The following NDUFA13 variants were observed in gnomAD, a reference collection of about 807,000 sequenced individuals.
The protein encoded by NDUFA13 is NADH:ubiquinone oxidoreductase subunit A13, also known as NADH dehydrogenase [ubiquinone] 1 alpha subcomplex subunit 13.
A neutral mutation model predicts 17.0 loss-of-function variants in NDUFA13; 16 were observed. The ratio of observed to expected loss-of-function variants is 0.94; its 90% confidence interval spans 0.64 to 1.43. The LOEUF is 1.43. Ranked by LOEUF, NDUFA13 falls within the 40% of genes most tolerant of loss-of-function variation. NDUFA13 has a pLI of 0.00. For missense variants in NDUFA13, 228 were observed against 206.7 expected (o/e 1.10, Z -0.63); for synonymous variants, 87 against 78.4 (o/e 1.11, Z -0.58).
chr19:19,527,256 G>A, intron 2 of NDUFA13, 25 bp from the exon 3 acceptor site: 1 of 1,613,748 alleles, frequency 6.2e-7, no homozygotes, highest in Non-Finnish European at 8.5e-7. Context: ...GGTCTGACCT[G>A]AGTGTGGGTT....
intron 2 of NDUFA13, 102 bp downstream of exon 2, chr19:19,526,362 C>A: frequency 7.6e-7 from 1 of 1,310,536 alleles, no homozygotes; most frequent in Admixed American, 1.9e-5. Flanking sequence ...GTGAACGGGC[C>A]CCTTGGACTT....
chr19:19,527,862 G>T, intron 4 of NDUFA13, 92 bp downstream of exon 4: 1 of 1,480,678 alleles, frequency 6.8e-7, no homozygotes, highest in Non-Finnish European at 9.3e-7. Flanking sequence ...AGAAACCCCA[G>T]GACCAAGGGG....
chr19:19,522,542 G>T (rs1162848370), intron 1 of NDUFA13, among the ~76,000 whole-genome samples: 4 of 133,662 alleles, frequency 3.0e-5, no homozygotes, highest in Non-Finnish European at 6.2e-5. Flanking sequence ...GCAGTGGCGC[G>T]ATCTAGGCTC....
chr19:19,521,278 CT>C (rs1162828128), intron 1 of NDUFA13, among the ~76,000 whole-genome samples: 2 of 152,146 alleles, frequency 1.3e-5, no homozygotes, highest in African/African-American at 4.8e-5. Context: ...TTTTAAAATT[CT>C]TTTTGGGTCT....
intron 1 of NDUFA13, among the ~76,000 whole-genome samples, chr19:19,521,459 C>G: frequency 2.0e-5 from 3 of 152,254 alleles, no homozygotes; most frequent in African/African-American, 7.2e-5. Flanking sequence ...CTCAAGCTGT[C>G]CTCCCGCCTC....
chr19:19,516,544 G>A (rs1480041536), intron 1 of NDUFA13, among the ~76,000 whole-genome samples: 1 of 152,196 alleles, frequency 6.6e-6, no homozygotes, highest in African/African-American at 2.4e-5. Context: ...CCAGGAAATC[G>A]GTCCCTCTAG....
chr19:19,527,589 G>A, intron 3 of NDUFA13, 112 bp from the exon 4 acceptor site: 2 of 1,007,294 alleles, frequency 2.0e-6, no homozygotes, highest in South Asian at 1.4e-5. Flanking sequence ...GTTGGCTGGG[G>A]GAAAAGGAGA....
At chr19:19,524,930 G>A (rs1360459231) in intron 1 of NDUFA13, among the ~76,000 whole-genome samples, 5 of 152,114 alleles carry the variant, frequency 3.3e-5, no homozygotes, top group East Asian at 1.9e-4. Context: ...CCAGTTACTC[G>A]GGAGGCTAAA....
chr19:19,518,572 T>G (rs545187871), intron 1 of NDUFA13, among the ~76,000 whole-genome samples: 9 of 145,636 alleles, frequency 6.2e-5, no homozygotes, highest in South Asian at 4.3e-4. Context: ...GTGTGTGTGT[T>G]TTTTTTTTTT....
At chr19:19,523,866 G>A (rs1262859334) in intron 1 of NDUFA13, among the ~76,000 whole-genome samples, 1 of 152,188 alleles carries the variant, frequency 6.6e-6, no homozygotes, top group African/African-American at 2.4e-5. Flanking sequence ...GGAGGCGGAG[G>A]TTGCAGTGGG....
chr19:19,526,366 TG>T, intron 2 of NDUFA13, 106 bp downstream of exon 2: 2 of 1,238,616 alleles, frequency 1.6e-6, no homozygotes, highest in Non-Finnish European at 2.3e-6. Context: ...ACGGGCCCCT[TG>T]GACTTGGCTG....
At chr19:19,527,163 C>G in intron 2 of NDUFA13, 118 bp from the exon 3 acceptor site, 4 of 819,966 alleles carry the variant, frequency 4.9e-6, no homozygotes, top group Non-Finnish European at 3.8e-6. Context: ...CCCCTGCCTG[C>G]CTCCCCGCCC....
chr19:19,518,758 T>TTTTTTTTA (rs2061062440), intron 1 of NDUFA13, among the ~76,000 whole-genome samples: 3 of 126,982 alleles, frequency 2.4e-5, no homozygotes, highest in Admixed American at 8.0e-5. Flanking sequence ...TTTTTTTTTT[T>TTTTTTTTA]GAGATGGAGT....
intron 2 of NDUFA13, 37 bp from the exon 3 acceptor site, chr19:19,527,244 C>G: frequency 6.2e-7 from 1 of 1,613,158 alleles, no homozygotes; most frequent in East Asian, 2.2e-5. Flanking sequence ...CCGACCTAGC[C>G]TGGTCTGACC....
intron 1 of NDUFA13, 119 bp downstream of exon 1, chr19:19,516,451 G>T: frequency 1.9e-6 from 2 of 1,073,548 alleles, no homozygotes; most frequent in Admixed American, 3.9e-5. Flanking sequence ...CGGAGCCCGG[G>T]GATCCATCAT....
rs1297605421 is a variant in NDUFA13, at chr19:19,518,730, T to A, written c.94+2398T>A. 1.1e-4 allele frequency among the ~76,000 whole-genome samples: 8 copies of A among 75,700 alleles called. No homozygotes were observed. The South Asian group carries it at 6.0e-3, about 57-fold the overall frequency. 49.7% of individuals were successfully genotyped at this position (75,700 alleles called of 152,430 possible). A position where few individuals can be genotyped will look rare whatever the true frequency, so the allele number is the denominator to read the frequency against. Reference sequence around the variant, plus strand: ...AGGTGGGCGCCACCATGCCCTGCGATTTTTTTTTTTTTTTTTTTTTTTTTT... The same window carrying A: ...AGGTGGGCGCCACCATGCCCTGCGAATTTTTTTTTTTTTTTTTTTTTTTTT... On this transcript the variant is annotated intron_variant, in intron 1 of 4. Coordinates refer to ENST00000507754, the MANE Select transcript of NDUFA13 (RefSeq NM_015965.7).
chr19:19,527,928 C>T, intron 4 of NDUFA13, 79 bp from the exon 5 acceptor site: 3 of 1,556,638 alleles, frequency 1.9e-6, no homozygotes, highest in Non-Finnish European at 1.8e-6. Context: ...CGCACAGGGG[C>T]CACTGATCCT....
intron 1 of NDUFA13, among the ~76,000 whole-genome samples, chr19:19,524,820 T>TA (rs959319761): frequency 3.6e-4 from 54 of 150,340 alleles, no homozygotes; most frequent in African/African-American, 1.3e-3. Context: ...ATAAATTAAT[T>TA]AAAAAAAAGA....
At chr19:19,520,716 C>T (rs753352286) in intron 1 of NDUFA13, among the ~76,000 whole-genome samples, 2 of 152,126 alleles carry the variant, frequency 1.3e-5, no homozygotes, top group African/African-American at 4.8e-5. Flanking sequence ...TTGCCATGAT[C>T]AGAATTTAGA....
Sources: gnomAD v4.1 joint callset for allele counts (sites outside exome capture counted in the v4.1 genomes callset) on GRCh38, gnomAD v4.1.1 for gene constraint, MANE v1.5 for transcripts, NCBI Gene and HGNC (gene_info 2026-07-23, HGNC 2026-07-21) for gene names.